Variants in PCDH15 observed in about 807,000 individuals in gnomAD.
The protein encoded by PCDH15 is protocadherin-15.
A neutral mutation model predicts 178.5 loss-of-function variants in PCDH15; 129 were observed. The observed-to-expected ratio is 0.72, with a 90% CI of 0.63 to 0.84. PCDH15 has a LOEUF of 0.84. Among genes scored for constraint, PCDH15 ranks in the 40% least tolerant of loss-of-function variants. PCDH15 has a pLI of 0.00. For missense variants in PCDH15, 2,230 were observed against 2,099.9 expected (o/e 1.06, Z -1.21); for synonymous variants, 800 against 732.0 (o/e 1.09, Z -1.50).
intron 2 of PCDH15, among the ~76,000 whole-genome samples, chr10:54,549,833 T>C (rs1189385437): frequency 6.6e-6 from 1 of 152,108 alleles, no homozygotes; most frequent in African/African-American, 2.4e-5. Flanking sequence ...GATTTTTTAA[T>C]TTATATTTTA....
chr10:55,154,346 C>G (rs1028721039), intron 2 of PCDH15, among the ~76,000 whole-genome samples: 2 of 151,998 alleles, frequency 1.3e-5, no homozygotes, highest in Admixed American at 6.6e-5. Flanking sequence ...TTAGGGATAA[C>G]GTGTATTCAT....
rs202033121 is a variant in PCDH15, at chr10:53,938,872, G to A, written c.3316C>T (p.Arg1106Ter). 15 of 1,613,518 alleles carry A rather than the reference G, an allele frequency of 9.3e-6. No homozygotes were observed. The highest frequency in any genetic ancestry group is 1.7e-5 in the Admixed American group (1 of 59,976). ...DYETRTSYVL[R>*]VQADSLEVVL... ...ACTTCCAGGGAATCAGCTTGGACTC[G>A]AAGTACATAGCTTGTCCTGGTCTCA... Residue 1106 changes from arginine (R) to a stop codon, truncating the protein, a stop_gained, in exon 25 of 38, where the codon CGA (arginine) becomes TGA (stop). Transcript: ENST00000644397. LOFTEE classifies it high-confidence loss of function.
chr10:55,607,570 A>T (rs1289512935), intron 2 of PCDH15, among the ~76,000 whole-genome samples: 1 of 147,254 alleles, frequency 6.8e-6, no homozygotes, highest in Non-Finnish European at 1.5e-5. Context: ...ATGCAGCCAT[A>T]AAAATTGATG....
At position 53,884,024 on chromosome 10, in the gene PCDH15, T is replaced by TAA. The variant is rs11379965; in HGVS notation, c.3502-17169_3502-17168dup. On this transcript the variant is annotated intron_variant, in intron 26 of 37. Coordinates refer to ENST00000644397, the MANE Select transcript of PCDH15 (RefSeq NM_001384140.1). The stretch of plus-strand genomic sequence containing the variant: ...AGCCACTGTGCCTGGCCTGTTTTTG[T>TAA]AAAAAAACAAAACAAAACAAAACAA... 5.5e-3 allele frequency among the ~76,000 whole-genome samples: 836 copies of TAA among 151,568 alleles called. 8 individuals carry two copies. Among genetic ancestry groups the TAA allele is most frequent in the Middle Eastern group, 0.021 (6 of 292 alleles).
intron 2 of PCDH15, among the ~76,000 whole-genome samples, chr10:55,405,874 C>T (rs1050016202): frequency 5.3e-5 from 8 of 149,984 alleles, no homozygotes; most frequent in African/African-American, 1.7e-4. Context: ...TAGAAGCTTA[C>T]AAATGTTATG....
intron 2 of PCDH15, among the ~76,000 whole-genome samples, chr10:55,473,659 T>C (rs1346657937): frequency 6.6e-6 from 1 of 152,144 alleles, no homozygotes; most frequent in African/African-American, 2.4e-5. Context: ...CCCCTATTGG[T>C]GATGGATCTA....
intron 25 of PCDH15, among the ~76,000 whole-genome samples, chr10:53,931,742 G>A (rs1006592924): frequency 6.6e-6 from 1 of 151,980 alleles, no homozygotes; most frequent in Admixed American, 6.6e-5. Flanking sequence ...TATGGTAAAG[G>A]TAACTTTAAA....
chr10:54,559,720 G>A (rs1046294482), intron 2 of PCDH15, among the ~76,000 whole-genome samples: 1 of 151,686 alleles, frequency 6.6e-6, no homozygotes, highest in South Asian at 2.1e-4. Context: ...CCTTAATGAT[G>A]ACCTCTTCTT....
At chr10:53,822,199 TACAG>T (rs1564531800) in intron 32 of PCDH15, 1 of 1,614,034 alleles carries the variant, frequency 6.2e-7, no homozygotes, top group East Asian at 2.2e-5. Context: ...ACACCTGTTA[TACAG>T]ACACACTCTG....
At chr10:54,263,666 C>T (rs1396707944) in intron 8 of PCDH15, among the ~76,000 whole-genome samples, 1 of 152,166 alleles carries the variant, frequency 6.6e-6, no homozygotes, top group African/African-American at 2.4e-5. Flanking sequence ...TTCACCCCTG[C>T]AACTACCCAG....
chr10:54,941,475 T>C (rs1167359501), intron 2 of PCDH15, among the ~76,000 whole-genome samples: 1 of 152,114 alleles, frequency 6.6e-6, no homozygotes, highest in Admixed American at 6.6e-5. Flanking sequence ...TTTTCTATTT[T>C]ATGAGGCATT....
At chr10:55,478,186 CA>C (rs1840101396) in intron 2 of PCDH15, among the ~76,000 whole-genome samples, 1 of 151,440 alleles carries the variant, frequency 6.6e-6, no homozygotes, top group Non-Finnish European at 1.5e-5. Context: ...GTTAATAGAC[CA>C]AATGGAGAGC....
At chr10:55,159,622 T>G (rs2132111676) in intron 2 of PCDH15, among the ~76,000 whole-genome samples, 1 of 148,004 alleles carries the variant, frequency 6.8e-6, no homozygotes, top group East Asian at 2.0e-4. Flanking sequence ...TAAATATATA[T>G]ATATCTTAAA....
chr10:54,243,695 T>C (rs2055641040), intron 8 of PCDH15, among the ~76,000 whole-genome samples: 1 of 152,192 alleles, frequency 6.6e-6, no homozygotes, highest in Admixed American at 6.5e-5. Context: ...CAATTATATG[T>C]TACCTTTAGA....
chr10:54,729,407 T>C (rs1045563501), intron 1 of PCDH15, among the ~76,000 whole-genome samples: 11 of 151,102 alleles, frequency 7.3e-5, no homozygotes, highest in African/African-American at 2.7e-4. Flanking sequence ...TCACCACATA[T>C]AAAAATGGAT....
intron 2 of PCDH15, among the ~76,000 whole-genome samples, chr10:55,332,438 T>C (rs1263507076): frequency 6.6e-6 from 1 of 152,080 alleles, no homozygotes; most frequent in Admixed American, 6.6e-5. Context: ...AGAGCTAAAA[T>C]AAATAGAACT....
rs537978857 is a variant in PCDH15 at position 53,991,049 on chromosome 10, G to A, written c.2868+4600C>T. Among the ~76,000 whole-genome samples the A allele has an allele frequency of 2.7e-3, 410 of 152,200 alleles. 1 individual carries two copies. The highest frequency in any genetic ancestry group is 4.7e-3 in the Non-Finnish European group (317 of 67,998). ...CGCCAGGCCTCAGCCACCTCCCCAC[G>A]GGGCAGGGCTTGGGACCTGCAGCCC... is the stretch of plus-strand genomic sequence containing the variant. On this transcript the variant is annotated intron_variant, in intron 21 of 37. Transcript: ENST00000644397.
intron 1 of PCDH15, among the ~76,000 whole-genome samples, chr10:54,773,433 A>G (rs1162867828): frequency 6.6e-6 from 1 of 152,202 alleles, no homozygotes; most frequent in Non-Finnish European, 1.5e-5. Context: ...CTCTACCTTC[A>G]CAAATCAGGT....
chr10:55,397,510 G>A (rs1837958261), intron 2 of PCDH15, among the ~76,000 whole-genome samples: 1 of 152,036 alleles, frequency 6.6e-6, no homozygotes, highest in Non-Finnish European at 1.5e-5. Flanking sequence ...AATTCTTTAA[G>A]GGGATAAACT....
Sources: allele counts gnomAD v4.1 joint callset (sites outside exome capture counted in the v4.1 genomes callset), GRCh38; gene constraint gnomAD v4.1.1; transcripts MANE v1.5; gene names NCBI Gene and HGNC (gene_info 2026-07-23, HGNC 2026-07-21).